THSD7A: variants seen among roughly 807,000 people sequenced by gnomAD.
The protein encoded by THSD7A is thrombospondin type-1 domain-containing protein 7A.
A neutral mutation model predicts 231.3 loss-of-function variants in THSD7A; 96 were observed. That is an observed-to-expected ratio of 0.41 (90% confidence interval 0.35 to 0.49). The LOEUF (loss-of-function observed/expected upper bound fraction) is 0.49. THSD7A is among the 20% of genes least tolerant of loss of function. The probability of loss-of-function intolerance (pLI) is 0.05; values close to 1 mark genes in which losing one functional copy is unlikely to be tolerated. For missense variants in THSD7A, 2,290 were observed against 2,070.2 expected (o/e 1.11, Z -2.06); for synonymous variants, 940 against 743.3 (o/e 1.26, Z -4.30).
chr7:11,447,949 A>C (rs1383929302), intron 11 of THSD7A, among the ~76,000 whole-genome samples: 1 of 152,102 alleles, frequency 6.6e-6, no homozygotes, highest in Non-Finnish European at 1.5e-5. Flanking sequence ...GTGCTTATAG[A>C]ACTTATCTTG....
At chr7:11,809,239 A>C (rs1349846664) in intron 1 of THSD7A, among the ~76,000 whole-genome samples, 1 of 152,208 alleles carries the variant, frequency 6.6e-6, no homozygotes, top group Non-Finnish European at 1.5e-5. Flanking sequence ...TGGTGGAGGC[A>C]CACACTGAAT....
At chr7:11,535,642 T>G (rs73286887) in intron 6 of THSD7A, among the ~76,000 whole-genome samples, 1 of 151,950 alleles carries the variant, frequency 6.6e-6, no homozygotes, top group African/African-American at 2.4e-5. Flanking sequence ...AAGGAAACTT[T>G]GTTGACTTAT....
chr7:11,660,332 A>C (rs1782882832), intron 1 of THSD7A, among the ~76,000 whole-genome samples: 1 of 151,540 alleles, frequency 6.6e-6, no homozygotes, highest in Non-Finnish European at 1.5e-5. Context: ...GCAATAACAA[A>C]GCAAAGACTT....
intron 2 of THSD7A, among the ~76,000 whole-genome samples, chr7:11,613,139 G>A (rs1780988636): frequency 6.6e-6 from 1 of 152,066 alleles, no homozygotes; most frequent in Non-Finnish European, 1.5e-5. Context: ...AAAATTCAGG[G>A]GATTCCCACC....
At chr7:11,489,832 T>G (rs1221518458) in intron 6 of THSD7A, among the ~76,000 whole-genome samples, 1 of 152,076 alleles carries the variant, frequency 6.6e-6, no homozygotes, top group Non-Finnish European at 1.5e-5. Context: ...CTGGTACAAC[T>G]TTAACAAACC....
chr7:11,450,310 T>C (rs887539883), intron 11 of THSD7A, among the ~76,000 whole-genome samples: 3 of 152,016 alleles, frequency 2.0e-5, no homozygotes, highest in Non-Finnish European at 4.4e-5. Context: ...TTAAGTACTC[T>C]AGCTAGTTGA....
rs199969601 is a variant in THSD7A, at chr7:11,374,757, A to G, written c.*1037T>C. ...GGTTAGGGACTTCAACACTTAAATT[A>G]CCGCCATGTTGTCAATTTCACAATG... On this transcript the variant is annotated 3_prime_UTR_variant, in exon 28 of 28. Transcript: ENST00000423059. 6.6e-6 allele frequency: 1 copy of G among 152,204 alleles called. No individual in the cohort carries two copies. Among genetic ancestry groups the G allele is most frequent in the East Asian group, 1.9e-4 (1 of 5,182 alleles). 9.4% of individuals were successfully genotyped at this position (152,204 alleles called of 1,614,324 possible).
rs1374422792 is a variant in THSD7A, at chr7:11,744,267, C to T, written c.190+87490G>A. Among the ~76,000 whole-genome samples, 3 of 151,772 alleles carry T rather than the reference C, an allele frequency of 2.0e-5. No homozygotes were observed. In the East Asian group the frequency reaches 5.8e-4, roughly 30 times the overall value. ...CAAACCCTACATTTCTCCTGAGATA[C>T]ATACTGACTGATGTACCAAATCGGG... On this transcript the variant is annotated intron_variant, in intron 1 of 27. Transcript: ENST00000423059.
At chr7:11,404,260 C>G (rs1783507408) in intron 22 of THSD7A, among the ~76,000 whole-genome samples, 1 of 152,172 alleles carries the variant, frequency 6.6e-6, no homozygotes. Flanking sequence ...CAGGGCTTGA[C>G]CTGTAATTAC....
At chr7:11,517,370 G>A (rs948444236) in intron 6 of THSD7A, among the ~76,000 whole-genome samples, 6 of 151,822 alleles carry the variant, frequency 4.0e-5, no homozygotes, top group Non-Finnish European at 8.8e-5. Flanking sequence ...GAGCCACCAT[G>A]CCCGGCCCCC....
intron 6 of THSD7A, among the ~76,000 whole-genome samples, chr7:11,528,589 T>C (rs989523035): frequency 1.6e-4 from 25 of 152,186 alleles, no homozygotes; most frequent in African/African-American, 5.8e-4. Context: ...TTTATATCAA[T>C]TCAGCAATTT....
intron 1 of THSD7A, among the ~76,000 whole-genome samples, chr7:11,723,030 A>G (rs905446555): frequency 6.6e-6 from 1 of 152,028 alleles, no homozygotes; most frequent in Non-Finnish European, 1.5e-5. Flanking sequence ...ATGCACACGT[A>G]TGTTTATTGC....
intron 1 of THSD7A, among the ~76,000 whole-genome samples, chr7:11,709,632 C>T (rs1359637992): frequency 6.6e-6 from 1 of 150,806 alleles, no homozygotes; most frequent in Admixed American, 6.6e-5. Context: ...TTAACAGACA[C>T]ATATGTAGTC....
At chr7:11,749,633 C>G (rs1350103760) in intron 1 of THSD7A, among the ~76,000 whole-genome samples, 1 of 151,902 alleles carries the variant, frequency 6.6e-6, no homozygotes, top group Non-Finnish European at 1.5e-5. Context: ...AACTTGCACT[C>G]AAGAGTGGAA....
At chr7:11,576,760 T>C (rs1370471159) in intron 4 of THSD7A, among the ~76,000 whole-genome samples, 1 of 152,230 alleles carries the variant, frequency 6.6e-6, no homozygotes, top group African/African-American at 2.4e-5. Flanking sequence ...CTTAATTGCG[T>C]TGGCTCCTAT....
chr7:11,394,216 C>A (rs1783094167), intron 23 of THSD7A, among the ~76,000 whole-genome samples: 2 of 152,208 alleles, frequency 1.3e-5, no homozygotes, highest in South Asian at 4.1e-4. Context: ...CAATATTCAA[C>A]ATTCTTAAAG....
chr7:11,500,195 C>A (rs765661003), intron 6 of THSD7A, among the ~76,000 whole-genome samples: 16 of 152,120 alleles, frequency 1.1e-4, no homozygotes, highest in Non-Finnish European at 2.2e-4. Context: ...AAAAAAAAAT[C>A]TTCAACTAAC....
At chr7:11,393,256 G>C (rs1216804657) in intron 23 of THSD7A, among the ~76,000 whole-genome samples, 2 of 152,108 alleles carry the variant, frequency 1.3e-5, no homozygotes, top group African/African-American at 4.8e-5. Flanking sequence ...AGGGTCTGGA[G>C]TGGACCTCCA....
chr7:11,812,069 G>A (rs868708136), intron 1 of THSD7A, among the ~76,000 whole-genome samples: 2 of 152,024 alleles, frequency 1.3e-5, no homozygotes, highest in Non-Finnish European at 2.9e-5. Flanking sequence ...GAGACAGTGA[G>A]AGAAATCTGA....
Sources: gnomAD v4.1 joint callset for allele counts (sites outside exome capture counted in the v4.1 genomes callset) on GRCh38, gnomAD v4.1.1 for gene constraint, MANE v1.5 for transcripts, NCBI Gene and HGNC (gene_info 2026-07-23, HGNC 2026-07-21) for gene names.